Variants in INSRR observed in about 807,000 individuals in gnomAD.
INSRR encodes insulin receptor related receptor.
A neutral mutation model predicts 130.0 loss-of-function variants in INSRR; 114 were observed. That is an observed-to-expected ratio of 0.88 (90% CI 0.75 to 1.02). The LOEUF (loss-of-function observed/expected upper bound fraction) is 1.02, where lower values mean the gene tolerates loss of function less well. Ranked by LOEUF, INSRR falls within the 50% of genes least tolerant of loss-of-function variation. The pLI, the probability that INSRR is intolerant of heterozygous loss-of-function variation, is 0.00. For synonymous variants in INSRR, 674 were observed against 705.2 expected, an observed-to-expected ratio of 0.96 and a Z score of 0.70; for missense variants, 1,657 against 1,735.2, an observed-to-expected ratio of 0.95 and a Z score of 0.80.
intron 1 of INSRR, among the ~76,000 whole-genome samples, chr1:156,857,163 ATGTGTG>A (rs57324546): frequency 0.055 from 7,138 of 130,502 alleles, 118 homozygotes; most frequent in South Asian, 0.059. Flanking sequence ...GCAGCTGTGT[ATGTGTG>A]TGTGTGTGTG....
chr1:156,841,381 G>T lies in INSRR; in HGVS notation c.3662+13C>A. On this transcript the variant is annotated intron_variant, in intron 21 of 21. Coordinates refer to ENST00000368195, the MANE Select transcript of INSRR (RefSeq NM_014215.3). Reference sequence around the variant, plus strand: ...AGATCAACAATGAGGAAGGGGCAGGGGAGGTGACTCACAGCTGAAGGGGAC... The same window carrying T: ...AGATCAACAATGAGGAAGGGGCAGGTGAGGTGACTCACAGCTGAAGGGGAC... 6.2e-7 allele frequency: 1 copy of T among 1,612,942 alleles called. No individual in the cohort carries two copies. Among genetic ancestry groups the T allele is most frequent in the South Asian group, 1.1e-5 (1 of 91,036 alleles).
Position 156,849,243 on chromosome 1 carries a change from C to G in INSRR, c.1444+3G>C, listed in dbSNP as rs759001767. Reference sequence around the variant, plus strand: ...TCCACCGGCACTGGGGTTGGGGTCTCACAGGCGGCGCGGTCTCCGTTGGTG... The same window carrying G: ...TCCACCGGCACTGGGGTTGGGGTCTGACAGGCGGCGCGGTCTCCGTTGGTG... On this transcript the variant is annotated splice_donor_region_variant and intron_variant, in intron 6 of 21. Transcript: ENST00000368195. 1.2e-6 allele frequency: 2 copies of G among 1,613,474 alleles called. No homozygotes were observed. The highest frequency in any genetic ancestry group is 1.7e-6 in the Non-Finnish European group (2 of 1,179,998).
In INSRR at chr1:156,854,242, G is replaced by A. The variant is rs576708823; in HGVS notation, c.147C>T (p.Ser49=). 1.4e-5 allele frequency: 22 copies of A among 1,613,830 alleles called. No individual in the cohort carries two copies. The highest frequency in any genetic ancestry group is 4.5e-5 in the East Asian group (2 of 44,890). The change falls in exon 2 of 22, where the codon AGC becomes AGT. Residue 49 remains serine (S), a synonymous_variant. Transcript: ENST00000368195. The surrounding 1 kb of genome is among the most constrained non-coding windows in gnomAD (Gnocchi z 4.2). ...GGATCTGCAGGTGGCCCTCCACCACGCTGCAGTTCTCCAGCTGACGAAGCT... is the reference window on the plus strand; with the variant it reads ...GGATCTGCAGGTGGCCCTCCACCACACTGCAGTTCTCCAGCTGACGAAGCT... ...VAELRQLENC[S]VVEGHLQILL...
Position 156,845,683 on chromosome 1 carries a change from C to G in INSRR, c.2110G>C (p.Ala704Pro), listed in dbSNP as rs766342690. The stretch of plus-strand genomic sequence containing the variant: ...TTCTTCTGGAACGAGGCCTCTTGCG[C>G]CTCCAGCGGGGGCAGAACCTGACCA... The part of the protein sequence containing the change: ...PPGQVLPPLE[A>P]QEASFQKKFE... Residue 704 changes from alanine to proline, a missense_variant, in exon 10 of 22, where the codon GCG becomes CCG. Physicochemically the swap from Ala to Pro is conservative, Grantham distance 27. Coordinates refer to ENST00000368195, the MANE Select transcript of INSRR (RefSeq NM_014215.3). 1.2e-6 allele frequency: 2 copies of G among 1,612,008 alleles called. No homozygotes were observed. The highest frequency in any genetic ancestry group is 3.4e-5 in the Admixed American group (2 of 59,358).
chr1:156,857,868 TC>T (rs1369835790), intron 1 of INSRR, among the ~76,000 whole-genome samples: 1 of 152,170 alleles, frequency 6.6e-6, no homozygotes, highest in Non-Finnish European at 1.5e-5. Context: ...TTTTCCTCTT[TC>T]CACCAATCCC....
chr1:156,857,165 G>GTA (rs1655436496), intron 1 of INSRR, among the ~76,000 whole-genome samples: 1 of 30,318 alleles, frequency 3.3e-5, no homozygotes, highest in Non-Finnish European at 6.8e-5. Flanking sequence ...AGCTGTGTAT[G>GTA]TGTGTGTGTG....
At chr1:156,858,212 C>T (rs890006567) in intron 1 of INSRR, among the ~76,000 whole-genome samples, 1 of 152,186 alleles carries the variant, frequency 6.6e-6, no homozygotes, top group Non-Finnish European at 1.5e-5. Context: ...TTCAGTGGCC[C>T]TAGAGATGAC....
At position 156,852,127 on chromosome 1, in the gene INSRR, C is replaced by CA; in HGVS notation, c.701dup (p.Cys237LeufsTer34). On this transcript the variant is annotated frameshift_variant, in exon 3 of 22. Transcript: ENST00000368195. LOFTEE classifies it high-confidence loss of function. Reference sequence around the variant, plus strand: ...GGTCTTCTGGCTGGCTGCAGCCCCCCAGGCATTCGGTGTGGCAGCACTCGC... The same window carrying CA: ...GGTCTTCTGGCTGGCTGCAGCCCCCCAAGGCATTCGGTGTGGCAGCACTCGC... 1 of 1,613,390 alleles carries CA rather than the reference C, an allele frequency of 6.2e-7. No individual in the cohort carries two copies.
intron 4 of INSRR, 71 bp from the exon 5 acceptor site, chr1:156,851,505 TG>T (rs1558089885): frequency 6.2e-7 from 1 of 1,604,970 alleles, no homozygotes; most frequent in South Asian, 1.1e-5. Context: ...GGGGGCTGAA[TG>T]GGGGCCCCGG....
rs747426217 is a variant in INSRR, at chr1:156,844,600, G to C, written c.2599C>G (p.Arg867Gly). The C allele has an allele frequency of 3.7e-6, 6 of 1,614,186 alleles. No homozygotes were observed. Among genetic ancestry groups the C allele is most frequent in the Non-Finnish European group, 5.1e-6 (6 of 1,180,036 alleles). The change falls in exon 14 of 22, where the codon CGT (arginine) becomes GGT (glycine). Residue 867 changes from arginine to glycine, a missense_variant. Coordinates refer to ENST00000368195, the MANE Select transcript of INSRR (RefSeq NM_014215.3). ...CCCCCAAACTTCGCATATCGAAGACGGGACACACACAGCACTGTGGCCTCC... is the reference window on the plus strand; with the variant it reads ...CCCCCAAACTTCGCATATCGAAGACCGGACACACACAGCACTGTGGCCTCC... ...GEEATVLCVSRLRYAKFGGVH... is the reference protein window; with the variant it reads ...GEEATVLCVSGLRYAKFGGVH...
chr1:156,841,146 C>T lies in INSRR; in HGVS notation c.3663-42G>A, dbSNP rs1225468051. 2.8e-6 allele frequency: 4 copies of T among 1,443,698 alleles called. No homozygotes were observed. The Admixed American group carries it at 7.9e-5, about 28-fold the overall frequency. 89.4% of individuals were successfully genotyped at this position (1,443,698 alleles called of 1,614,324 possible). A position where few individuals can be genotyped will look rare whatever the true frequency, so the allele number is the denominator to read the frequency against. On this transcript the variant is annotated intron_variant, in intron 21 of 21. Transcript: ENST00000368195. ...GCAGGGTCAGAGGCATCCGGGAGCCCCTGCCACGCTCTCAGCCTCCTGCAC... is the reference window on the plus strand; with the variant it reads ...GCAGGGTCAGAGGCATCCGGGAGCCTCTGCCACGCTCTCAGCCTCCTGCAC...
rs113403460 is a variant in INSRR, at chr1:156,844,157, G to A, written c.2843+18C>T. ...TCAGGGAGAAAAGGGGGTGGGGACC[G>A]GTGGGACTTATCATCACCTCTTCTT... On this transcript the variant is annotated intron_variant, in intron 15 of 21. Coordinates refer to ENST00000368195, the MANE Select transcript of INSRR (RefSeq NM_014215.3). The A allele has an allele frequency of 8.3e-4, 1,313 of 1,576,964 alleles. 14 individuals carry two copies. The African/African-American group carries it at 0.015, about 18-fold the overall frequency.
Position 156,845,947 on chromosome 1 carries a change from C to A in INSRR, c.1978+5G>T, listed in dbSNP as rs1325308901. 2.5e-6 allele frequency: 4 copies of A among 1,610,682 alleles called. No homozygotes were observed. Among genetic ancestry groups the A allele is most frequent in the Non-Finnish European group, 3.4e-6 (4 of 1,178,454 alleles). On this transcript the variant is annotated splice_donor_5th_base_variant and intron_variant, in intron 9 of 21. Transcript: ENST00000368195. ...GCGGCCGGCCTGCGCGTCGTCCCTG[C>A]GCACCGCGGTGGCAGTAGTCATTGA...
Position 156,844,219 on chromosome 1 carries a change from C to A in INSRR, c.2799G>T (p.Leu933=). The part of the protein sequence containing the change: ...LLTATPVGLT[L]LIVLAALGFF... Reference sequence around the variant, plus strand: ...AACCAAGGGCAGCAAGAACGATGAGCAGCGTGAGCCCCACAGGGGTGGCAG... The same window carrying A: ...AACCAAGGGCAGCAAGAACGATGAGAAGCGTGAGCCCCACAGGGGTGGCAG... Residue 933 remains leucine (L), a synonymous_variant, in exon 15 of 22, where the codon CTG becomes CTT. Coordinates refer to ENST00000368195, the MANE Select transcript of INSRR (RefSeq NM_014215.3). 1 of 1,613,960 alleles carries A rather than the reference C, an allele frequency of 6.2e-7. No individual in the cohort carries two copies. The highest frequency in any genetic ancestry group is 8.5e-7 in the Non-Finnish European group (1 of 1,179,960).
At chr1:156,849,513 G>GGC in intron 5 of INSRR, 53 bp from the exon 6 acceptor site, 11 of 486,114 alleles carry the variant, frequency 2.3e-5, no homozygotes, top group East Asian at 1.1e-4. Context: ...CAGGGGGTGG[G>GGC]AAAGGGGATG....
chr1:156,850,531 A>ATTTTTT (rs1655167936), intron 5 of INSRR, among the ~76,000 whole-genome samples: 1 of 97,020 alleles, frequency 1.0e-5, no homozygotes, highest in African/African-American at 3.9e-5. Flanking sequence ...AATTTAAAAC[A>ATTTTTT]TTCTTTTTTT....
chr1:156,846,457 G>T (rs1247733599), intron 8 of INSRR, 62 bp downstream of exon 8: 2 of 1,345,738 alleles, frequency 1.5e-6, no homozygotes, highest in Non-Finnish European at 2.1e-6. Context: ...TCTGGTGCCT[G>T]TGCTCCCCTG....
chr1:156,844,895 A>G (rs1187136270), intron 12 of INSRR, 52 bp from the exon 13 acceptor site: 2 of 1,608,690 alleles, frequency 1.2e-6, no homozygotes, highest in East Asian at 2.2e-5. Context: ...ATCTCACCTT[A>G]TGTTCAAACC....
At chr1:156,853,336 G>T (rs1255124373) in intron 2 of INSRR, among the ~76,000 whole-genome samples, 4 of 152,188 alleles carry the variant, frequency 2.6e-5, no homozygotes, top group African/African-American at 9.7e-5. Flanking sequence ...GACACCCAAT[G>T]ATCATTTTAC....
Sources: allele counts gnomAD v4.1 joint callset (sites outside exome capture counted in the v4.1 genomes callset), GRCh38; gene constraint gnomAD v4.1.1; non-coding constraint Gnocchi (gnomAD v3.1); transcripts MANE v1.5; gene names NCBI Gene and HGNC (gene_info 2026-07-23, HGNC 2026-07-21).